The following SPECC1 variants were observed in gnomAD, a reference collection of about 807,000 sequenced individuals.
SPECC1 encodes the protein sperm antigen with calponin homology and coiled-coil domains 1, also known as cytospin-B.
SPECC1 carries 62 observed loss-of-function variants against 104.1 expected under a neutral mutation model. The observed-to-expected ratio is 0.60, with a 90% CI of 0.49 to 0.74. The LOEUF (loss-of-function observed/expected upper bound fraction) is 0.74. Among genes scored for constraint, SPECC1 ranks in the 30% least tolerant of loss-of-function variants. The pLI, the probability that SPECC1 is intolerant of heterozygous loss-of-function variation, is 0.00. For synonymous variants in SPECC1, 513 were observed against 501.6 expected, an observed-to-expected ratio of 1.02 and a Z score of -0.30; for missense variants, 1,306 against 1,310.5, an observed-to-expected ratio of 1.00 and a Z score of 0.05.
At position 20,080,182 on chromosome 17, in the gene SPECC1, G is replaced by A. The variant is rs563556006; in HGVS notation, c.-21-16449G>A. ...GTTAGGATGATAGGTAATGAAGGCA[G>A]AACTCTTGAATGTGGTCTAGAAGGC... On this transcript the variant is annotated intron_variant, in intron 1 of 14. Coordinates refer to ENST00000395527, the MANE Select transcript of SPECC1 (RefSeq NM_001243439.2). Among the ~76,000 whole-genome samples, 95 of 152,314 alleles carry A rather than the reference G, an allele frequency of 6.2e-4. 2 individuals carry two copies. Among genetic ancestry groups the A allele is most frequent in the Non-Finnish European group, 1.0e-3 (68 of 68,032 alleles).
chr17:20,241,781 T>A (rs1201991929), intron 7 of SPECC1, among the ~76,000 whole-genome samples: 1 of 152,248 alleles, frequency 6.6e-6, no homozygotes, highest in African/African-American at 2.4e-5. Flanking sequence ...AAGTACTTCA[T>A]AATTTCTGTC....
At chr17:20,049,101 A>G (rs1465003325) in intron 1 of SPECC1, among the ~76,000 whole-genome samples, 1 of 152,098 alleles carries the variant, frequency 6.6e-6, no homozygotes, top group Admixed American at 6.6e-5. Context: ...GCTTTGTCAA[A>G]GGATATATGC....
intron 1 of SPECC1, among the ~76,000 whole-genome samples, chr17:20,093,065 C>G (rs1173800766): frequency 1.3e-5 from 2 of 152,186 alleles, no homozygotes; most frequent in Non-Finnish European, 2.9e-5. Flanking sequence ...GAAGTTTCCC[C>G]ACCTGTGAAA....
intron 12 of SPECC1, among the ~76,000 whole-genome samples, chr17:20,262,051 G>A (rs1293921068): frequency 6.6e-6 from 1 of 152,140 alleles, no homozygotes; most frequent in Non-Finnish European, 1.5e-5. Context: ...TATTACAAAT[G>A]GAATAAAAAA....
At chr17:20,166,310 A>G (rs979172292) in intron 3 of SPECC1, among the ~76,000 whole-genome samples, 1 of 152,228 alleles carries the variant, frequency 6.6e-6, no homozygotes, top group Non-Finnish European at 1.5e-5. Flanking sequence ...CATTTTTTCA[A>G]AATTATCATG....
At chr17:20,107,513 G>A (rs1362989414) in intron 2 of SPECC1, among the ~76,000 whole-genome samples, 1 of 148,934 alleles carries the variant, frequency 6.7e-6, no homozygotes, top group African/African-American at 2.5e-5. Flanking sequence ...ATAGAGTGCA[G>A]TGGCGCGATC....
chr17:20,150,147 G>T (rs1036069956), intron 3 of SPECC1, among the ~76,000 whole-genome samples: 1 of 150,184 alleles, frequency 6.7e-6, no homozygotes, highest in South Asian at 2.1e-4. Flanking sequence ...TAATTTTTTT[G>T]TATTTTTTTT....
At chr17:20,187,175 A>AT (rs2151263423) in intron 3 of SPECC1, among the ~76,000 whole-genome samples, 1 of 151,722 alleles carries the variant, frequency 6.6e-6, no homozygotes, top group African/African-American at 2.4e-5. Flanking sequence ...AGGGTTTTGT[A>AT]TTTTTTTCTG....
chr17:20,107,170 GAAAAGAAAAAC>G (rs2048260874), intron 2 of SPECC1, among the ~76,000 whole-genome samples: 1 of 101,446 alleles, frequency 9.9e-6, no homozygotes, highest in Non-Finnish European at 2.0e-5. Flanking sequence ...AAAAAAAAAA[GAAAAGAAAAAC>G]AAAAGAAAAT....
At chr17:20,110,667 C>A in intron 3 of SPECC1, 105 bp downstream of exon 3, 1 of 1,311,846 alleles carries the variant, frequency 7.6e-7, no homozygotes, top group Non-Finnish European at 1.0e-6. Flanking sequence ...TGAAATATTT[C>A]TTGACCACTT....
In SPECC1 at chr17:20,013,758, C is replaced by T. The variant is rs148951144; in HGVS notation, c.-22+4334C>T. On this transcript the variant is annotated intron_variant, in intron 1 of 14. Coordinates refer to ENST00000395527, the MANE Select transcript of SPECC1 (RefSeq NM_001243439.2). ...CCTCAAGTGATCTGCCTGCCTTACC[C>T]GCCCAAAGTGCTGAGATTACAGGCA... 4.8e-3 allele frequency among the ~76,000 whole-genome samples: 727 copies of T among 150,032 alleles called. 6 individuals are homozygous for T. The highest frequency in any genetic ancestry group is 0.01 in the Middle Eastern group (3 of 294).
intron 2 of SPECC1, among the ~76,000 whole-genome samples, chr17:20,097,088 T>A (rs1053167992): frequency 2.6e-5 from 4 of 152,190 alleles, no homozygotes; most frequent in African/African-American, 9.7e-5. Flanking sequence ...AGCACGGCCC[T>A]GGATAGGGGT....
At chr17:20,312,186 A>G (rs925704064) in intron 14 of SPECC1, among the ~76,000 whole-genome samples, 6 of 152,138 alleles carry the variant, frequency 3.9e-5, no homozygotes, top group Admixed American at 3.9e-4. Flanking sequence ...TAGAATTGGT[A>G]TTATTTCTTC....
At chr17:20,023,264 T>C (rs1056415938) in intron 1 of SPECC1, among the ~76,000 whole-genome samples, 2 of 152,258 alleles carry the variant, frequency 1.3e-5, no homozygotes, top group African/African-American at 4.8e-5. Flanking sequence ...CTGTAGTTTC[T>C]GATCCATGTT....
At chr17:20,232,991 G>GT (rs1409451397) in intron 7 of SPECC1, among the ~76,000 whole-genome samples, 1 of 152,188 alleles carries the variant, frequency 6.6e-6, no homozygotes, top group East Asian at 1.9e-4. Flanking sequence ...AGCACACAGT[G>GT]TATCAGCCCA....
At chr17:20,227,019 C>G (rs1276037785) in intron 4 of SPECC1, among the ~76,000 whole-genome samples, 1 of 110,818 alleles carries the variant, frequency 9.0e-6, no homozygotes, top group Non-Finnish European at 2.0e-5. Context: ...CAGGGAAGCA[C>G]TGCTCTCCCA....
rs188676421 is a variant in SPECC1 at position 20,125,073 on chromosome 17, G to A, written c.283+14511G>A. On this transcript the variant is annotated intron_variant, in intron 3 of 14. Coordinates refer to ENST00000395527, the MANE Select transcript of SPECC1 (RefSeq NM_001243439.2). ...TGGGCGCCTGTAGTTCCAGCTACTC[G>A]GGAGGCTGAGGCAGGAGAATGGCGT... 9.3e-3 allele frequency among the ~76,000 whole-genome samples: 1,422 copies of A among 152,190 alleles called. 10 individuals carry two copies. The highest frequency in any genetic ancestry group is 0.015 in the Non-Finnish European group (999 of 68,000).
intron 3 of SPECC1, among the ~76,000 whole-genome samples, chr17:20,173,676 G>A (rs1406776595): frequency 1.3e-5 from 2 of 152,190 alleles, no homozygotes; most frequent in Admixed American, 6.5e-5. Context: ...GAAATGTTGG[G>A]CATAAAGGTA....
chr17:20,257,309 T>C lies in SPECC1; in HGVS notation c.2681-142T>C, dbSNP rs1046898758. On this transcript the variant is annotated intron_variant, in intron 10 of 14. Transcript: ENST00000395527. ...CCTGCCTGTAGAATCCACATCCCTA[T>C]TGCATTTTTATTACTTCAGAAACTA... is the stretch of plus-strand genomic sequence containing the variant. 2.7e-5 allele frequency: 26 copies of C among 949,264 alleles called. No individual in the cohort carries two copies. The Admixed American group carries it at 7.3e-4, about 27-fold the overall frequency. 58.8% of individuals were successfully genotyped at this position (949,264 alleles called of 1,614,324 possible).
Sources: allele counts gnomAD v4.1 joint callset (sites outside exome capture counted in the v4.1 genomes callset), GRCh38; gene constraint gnomAD v4.1.1; transcripts MANE v1.5; gene names NCBI Gene and HGNC (gene_info 2026-07-23, HGNC 2026-07-21).